IL33: variants seen among roughly 807,000 people sequenced by gnomAD.
The protein encoded by IL33 is interleukin 33.
In IL33, 37 loss-of-function variants were observed where a neutral mutation model predicts 27.3. The ratio of observed to expected loss-of-function variants is 1.36; its 90% CI spans 1.04 to 1.78. The LOEUF (loss-of-function observed/expected upper bound fraction) is 1.78. Among genes scored for constraint, IL33 ranks in the 40% most tolerant of loss-of-function variants. The probability of loss-of-function intolerance (pLI) is 0.00; values close to 1 mark genes in which losing one functional copy is unlikely to be tolerated. For synonymous variants in IL33, 132 were observed against 102.9 expected (o/e 1.28, Z -1.71); for missense variants, 406 against 311.4 (o/e 1.30, Z -2.29).
chr9:6,253,092 T>C (rs1210791722), intron 5 of IL33, 101 bp downstream of exon 5: 7 of 828,212 alleles, frequency 8.5e-6, no homozygotes, highest in South Asian at 4.0e-5. Flanking sequence ...AACTTAGACA[T>C]GGCAAACAGG....
Position 6,256,244 on chromosome 9 carries a change from G to A in IL33, c.*76G>A, listed in dbSNP as rs1230876259. 1 of 1,031,866 alleles carries A rather than the reference G, an allele frequency of 9.7e-7. No homozygotes were observed. Among genetic ancestry groups the A allele is most frequent in the Non-Finnish European group, 1.5e-6 (1 of 669,866 alleles). 63.9% of individuals were successfully genotyped at this position (1,031,866 alleles called of 1,614,324 possible). ...AGAAGGAATGAGAGATAAAGAAAGA[G>A]ACAGGTGACATCTAAGGGAAATGAA... On this transcript the variant is annotated 3_prime_UTR_variant, in exon 8 of 8. Transcript: ENST00000682010.
intron 1 of IL33, 41 bp from the exon 2 acceptor site, chr9:6,241,643 A>G (rs536498972): frequency 1.6e-6 from 2 of 1,270,286 alleles, no homozygotes; most frequent in South Asian, 2.7e-5. Flanking sequence ...TTTGTTTTTA[A>G]GTTGAGACAA....
chr9:6,219,196 A>G (rs1411232110), intron 1 of IL33, among the ~76,000 whole-genome samples: 1 of 151,902 alleles, frequency 6.6e-6, no homozygotes, highest in Non-Finnish European at 1.5e-5. Flanking sequence ...TTCTATCAAC[A>G]ACAAAATGAT....
intron 2 of IL33, among the ~76,000 whole-genome samples, chr9:6,248,034 G>A (rs1158158749): frequency 2.6e-5 from 4 of 152,010 alleles, no homozygotes; most frequent in Non-Finnish European, 4.4e-5. Flanking sequence ...TATTAGGCAT[G>A]CCTATCACGT....
At chr9:6,246,843 C>A (rs565486230) in intron 2 of IL33, among the ~76,000 whole-genome samples, 1 of 152,318 alleles carries the variant, frequency 6.6e-6, no homozygotes, top group Non-Finnish European at 1.5e-5. Context: ...CAGAACCAGA[C>A]ACCAAATAAA....
intron 5 of IL33, 148 bp downstream of exon 5, chr9:6,253,139 G>C: frequency 1.8e-6 from 1 of 553,486 alleles, no homozygotes; most frequent in East Asian, 3.1e-5. Flanking sequence ...TTGGCAGTGG[G>C]TGCCTGAATC....
chr9:6,247,713 C>T (rs1224367663), intron 2 of IL33, among the ~76,000 whole-genome samples: 1 of 152,052 alleles, frequency 6.6e-6, no homozygotes, highest in Admixed American at 6.6e-5. Context: ...CTGCAAAGTC[C>T]ACATGTCCAG....
chr9:6,232,826 A>G (rs1231894104), intron 1 of IL33, among the ~76,000 whole-genome samples: 1 of 151,280 alleles, frequency 6.6e-6, no homozygotes, highest in Non-Finnish European at 1.5e-5. Context: ...ACTCTTTAAC[A>G]CTCCTCAGCA....
chr9:6,244,708 TG>T (rs1237877389), intron 2 of IL33, among the ~76,000 whole-genome samples: 1 of 152,176 alleles, frequency 6.6e-6, no homozygotes, highest in Non-Finnish European at 1.5e-5. Context: ...CAGATATCTC[TG>T]GGGTATGTGA....
intron 1 of IL33, among the ~76,000 whole-genome samples, chr9:6,227,146 C>T (rs867101689): frequency 6.6e-6 from 1 of 152,170 alleles, no homozygotes; most frequent in South Asian, 2.1e-4. Context: ...TCTGGGTATT[C>T]CCTTCTGCCG....
intron 1 of IL33, among the ~76,000 whole-genome samples, chr9:6,237,593 A>G (rs1317833722): frequency 6.6e-6 from 1 of 152,206 alleles, no homozygotes; most frequent in African/African-American, 2.4e-5. Context: ...TCAAATAACT[A>G]CTGAAAACAA....
At position 6,251,181 on chromosome 9, in the gene IL33, C is replaced by G. The variant is rs2130426147; in HGVS notation, c.259C>G (p.Gln87Glu). 2 of 1,613,998 alleles carry G rather than the reference C, an allele frequency of 1.2e-6. No homozygotes were observed. The highest frequency in any genetic ancestry group is 8.5e-7 in the Non-Finnish European group (1 of 1,179,914). ...ACATCTGGTACTCGCTGCCTGTCAA[C>G]AGCAGTCTACTGTGGAGTGCTTTGC... The part of the protein sequence containing the change: ...KRHLVLAACQ[Q>E]QSTVECFAFG... The change falls in exon 4 of 8, where the codon CAG becomes GAG. Residue 87 changes from glutamine (Q) to glutamate (E), a missense_variant. Physicochemically the swap from Gln to Glu is conservative, Grantham distance 29. Coordinates refer to ENST00000682010, the MANE Select transcript of IL33 (RefSeq NM_033439.4).
chr9:6,251,889 A>G (rs146578038), intron 4 of IL33, among the ~76,000 whole-genome samples: 275 of 151,834 alleles, frequency 1.8e-3, no homozygotes, highest in Non-Finnish European at 2.6e-3. Context: ...AAAATACAAA[A>G]ATCTGTTGGT....
At chr9:6,252,215 G>A (rs1262339491) in intron 4 of IL33, among the ~76,000 whole-genome samples, 2 of 151,852 alleles carry the variant, frequency 1.3e-5, no homozygotes, top group Non-Finnish European at 2.9e-5. Flanking sequence ...ATTTACTTTA[G>A]AAGTTCATGT....
intron 1 of IL33, among the ~76,000 whole-genome samples, chr9:6,236,018 T>TACACACACACAC (rs61318432): frequency 2.1e-4 from 30 of 139,792 alleles, no homozygotes; most frequent in African/African-American, 7.5e-4. Context: ...CCCACACCCA[T>TACACACACACAC]ACACACACAC....
intron 1 of IL33, among the ~76,000 whole-genome samples, chr9:6,229,471 A>C (rs943615764): frequency 2.6e-5 from 4 of 152,236 alleles, no homozygotes; most frequent in Non-Finnish European, 5.9e-5. Context: ...TACAAAGAGC[A>C]CTGACCCAAG....
chr9:6,255,049 A>G (rs1816649117), intron 7 of IL33, among the ~76,000 whole-genome samples: 1 of 152,184 alleles, frequency 6.6e-6, no homozygotes, highest in Non-Finnish European at 1.5e-5. Flanking sequence ...AGGGAGAGTC[A>G]TAAGCGTTTC....
chr9:6,234,277 C>G (rs1407490126), intron 1 of IL33, among the ~76,000 whole-genome samples: 3 of 152,224 alleles, frequency 2.0e-5, no homozygotes, highest in Non-Finnish European at 2.9e-5. Context: ...AGTTCCAACT[C>G]CCTGCTGAAA....
Position 6,253,615 on chromosome 9 carries a change from G to A in IL33, c.520+13G>A. Reference sequence around the variant, plus strand: ...TCAAATGAATCAGGTAATTTGGAGGGCTGGGTAGCTGTAGTGCTTGAATTC... The same window carrying A: ...TCAAATGAATCAGGTAATTTGGAGGACTGGGTAGCTGTAGTGCTTGAATTC... On this transcript the variant is annotated intron_variant, in intron 6 of 7. Transcript: ENST00000682010. The A allele has an allele frequency of 1.9e-6, 3 of 1,599,880 alleles. No individual in the cohort carries two copies. The South Asian group carries it at 3.3e-5, about 18-fold the overall frequency.
Sources: gnomAD v4.1 joint callset for allele counts (sites outside exome capture counted in the v4.1 genomes callset) on GRCh38, gnomAD v4.1.1 for gene constraint, MANE v1.5 for transcripts, NCBI Gene and HGNC (gene_info 2026-07-23, HGNC 2026-07-21) for gene names.